The following UNC5D variants were observed in gnomAD, a reference collection of about 807,000 sequenced individuals.
UNC5D encodes netrin receptor UNC5D.
UNC5D carries 39 observed loss-of-function variants against 105.4 expected under a neutral mutation model. The ratio of observed to expected loss-of-function variants is 0.37; its 90% confidence interval spans 0.29 to 0.48. The LOEUF is 0.48. Among genes scored for constraint, UNC5D ranks in the 20% least tolerant of loss-of-function variants. The pLI, the probability that UNC5D is intolerant of heterozygous loss-of-function variation, is 0.98. For missense variants in UNC5D, 991 were observed against 1,202.4 expected, an observed-to-expected ratio of 0.82 and a Z score of 2.60; for synonymous variants, 452 against 450.4, an observed-to-expected ratio of 1.00 and a Z score of -0.04.
chr8:35,678,038 G>A (rs1039787487), intron 4 of UNC5D, among the ~76,000 whole-genome samples: 1 of 151,902 alleles, frequency 6.6e-6, no homozygotes. Flanking sequence ...CTTATCAATA[G>A]TTTTCAAACT....
At chr8:35,260,386 C>T (rs770359297) in intron 1 of UNC5D, among the ~76,000 whole-genome samples, 2 of 152,112 alleles carry the variant, frequency 1.3e-5, no homozygotes, top group Non-Finnish European at 2.9e-5. Flanking sequence ...TGCTCAATTC[C>T]GAGGTGGATG....
chr8:35,481,066 C>G (rs192595735), intron 1 of UNC5D, among the ~76,000 whole-genome samples: 2 of 152,284 alleles, frequency 1.3e-5, no homozygotes, highest in Admixed American at 1.3e-4. Context: ...GTGGCAAAAT[C>G]TTTTAGTTGA....
intron 1 of UNC5D, among the ~76,000 whole-genome samples, chr8:35,540,323 C>G (rs979864843): frequency 1.3e-5 from 2 of 151,800 alleles, no homozygotes; most frequent in Non-Finnish European, 2.9e-5. Context: ...TTCCTAAATA[C>G]ATTTATATTT....
chr8:35,556,245 A>T (rs559213281), intron 2 of UNC5D, among the ~76,000 whole-genome samples: 17 of 152,318 alleles, frequency 1.1e-4, no homozygotes, highest in African/African-American at 3.9e-4. Flanking sequence ...GGTGAATATG[A>T]TTCAAAAAAC....
At chr8:35,650,343 C>G (rs1467081041) in intron 4 of UNC5D, among the ~76,000 whole-genome samples, 2 of 152,088 alleles carry the variant, frequency 1.3e-5, no homozygotes, top group East Asian at 3.9e-4. Flanking sequence ...TCAGGAGCCT[C>G]CCTTAGCCCT....
intron 1 of UNC5D, among the ~76,000 whole-genome samples, chr8:35,391,249 C>T (rs560967654): frequency 6.6e-6 from 1 of 152,068 alleles, no homozygotes; most frequent in African/African-American, 2.4e-5. Context: ...TGTACTTTCC[C>T]AAAAAAGATT....
intron 1 of UNC5D, among the ~76,000 whole-genome samples, chr8:35,528,511 G>A (rs1420482343): frequency 7.5e-5 from 11 of 146,424 alleles, no homozygotes; most frequent in Middle Eastern, 3.6e-3. Context: ...AAACATACGT[G>A]TGCATGTGTC....
chr8:35,601,121 A>G (rs1819850184), intron 4 of UNC5D, among the ~76,000 whole-genome samples: 1 of 151,954 alleles, frequency 6.6e-6, no homozygotes, highest in African/African-American at 2.4e-5. Context: ...GATATGCGGC[A>G]TTATGTCTGA....
Position 35,726,436 on chromosome 8 carries a change from A to T in UNC5D, c.1588A>T (p.Ile530Phe). The T allele has an allele frequency of 6.2e-7, 1 of 1,614,142 alleles. No homozygotes were observed. Residue 530 changes from isoleucine to phenylalanine, a missense_variant, in exon 10 of 17, where the codon ATC becomes TTC. By Grantham distance (21) the Ile-to-Phe change is conservative (BLOSUM62 0). Around this residue, in one of 3 missense-constraint regions of UNC5D, gnomAD observed 944 missense variants for 1,131.6 expected, o/e 0.83. Transcript: ENST00000404895. ...TMHPRNKMPY[I>F]QNLSSLPTRT... ...GCATCCCAGAAATAAAATGCCCTACATCCAAAATCTGTCATCACTCCCCAC... is the reference window on the plus strand; with the variant it reads ...GCATCCCAGAAATAAAATGCCCTACTTCCAAAATCTGTCATCACTCCCCAC...
intron 1 of UNC5D, among the ~76,000 whole-genome samples, chr8:35,335,894 G>T (rs1343631317): frequency 6.6e-6 from 1 of 150,810 alleles, no homozygotes; most frequent in African/African-American, 2.4e-5. Flanking sequence ...CTCCCGAGTA[G>T]CTGGGACTAC....
intron 1 of UNC5D, among the ~76,000 whole-genome samples, chr8:35,361,944 GTTAT>G (rs2097969288): frequency 6.6e-6 from 1 of 152,042 alleles, no homozygotes; most frequent in Non-Finnish European, 1.5e-5. Flanking sequence ...TCTGAATTTG[GTTAT>G]TTGTCGGTGG....
rs72634971 is a variant in UNC5D, at chr8:35,677,430, C to T, written c.571-6117C>T. ...ACTGATTTATGTTACCTCCCTGGCC[C>T]CCAGGAACATTGGAGTTTGCAACTG... is the stretch of plus-strand genomic sequence containing the variant. On this transcript the variant is annotated intron_variant, in intron 4 of 16. Coordinates refer to ENST00000404895, the MANE Select transcript of UNC5D (RefSeq NM_080872.4). Among the ~76,000 whole-genome samples the T allele has an allele frequency of 5.1e-3, 774 of 152,196 alleles. 2 individuals are homozygous for T. The highest frequency in any genetic ancestry group is 8.8e-3 in the African/African-American group (367 of 41,526).
chr8:35,511,279 A>G (rs1289829727), intron 1 of UNC5D, among the ~76,000 whole-genome samples: 1 of 152,134 alleles, frequency 6.6e-6, no homozygotes, highest in African/African-American at 2.4e-5. Context: ...TAGGACCAGT[A>G]TATAAAATCA....
rs1408284580 is a variant in UNC5D, at chr8:35,260,718, C to T, written c.103+24831C>T. 2.0e-5 allele frequency among the ~76,000 whole-genome samples: 3 copies of T among 152,162 alleles called. No homozygotes were observed. In the East Asian group the frequency reaches 5.8e-4, roughly 29 times the overall value. On this transcript the variant is annotated intron_variant, in intron 1 of 16. Coordinates refer to ENST00000404895, the MANE Select transcript of UNC5D (RefSeq NM_080872.4). ...AGCTCAGGGAATCCACACACGTCTG[C>T]CTCGCAAAGTGCTAGTTATGCCTAT...
chr8:35,612,628 G>T (rs556892523), intron 4 of UNC5D, among the ~76,000 whole-genome samples: 6 of 150,286 alleles, frequency 4.0e-5, no homozygotes, highest in South Asian at 4.2e-4. Context: ...AGAATCAAAG[G>T]TTCTTAAAGC....
intron 2 of UNC5D, among the ~76,000 whole-genome samples, chr8:35,550,568 C>T (rs1469908313): frequency 6.6e-6 from 1 of 152,138 alleles, no homozygotes; most frequent in Admixed American, 6.5e-5. Context: ...TTCTATATAA[C>T]AAGGTAGGCC....
intron 1 of UNC5D, among the ~76,000 whole-genome samples, chr8:35,407,511 A>T (rs1403355244): frequency 7.0e-6 from 1 of 143,620 alleles, no homozygotes; most frequent in Non-Finnish European, 1.5e-5. Context: ...TTTCATTTGT[A>T]TGTATGTATG....
intron 2 of UNC5D, among the ~76,000 whole-genome samples, chr8:35,564,650 T>C (rs1003529006): frequency 3.3e-5 from 5 of 152,184 alleles, no homozygotes; most frequent in African/African-American, 1.2e-4. Flanking sequence ...GTTACACGGA[T>C]GAATTGTATA....
chr8:35,635,482 C>A (rs1456729622), intron 4 of UNC5D, among the ~76,000 whole-genome samples: 2 of 152,138 alleles, frequency 1.3e-5, no homozygotes, highest in African/African-American at 4.8e-5. Context: ...CAGTTCAGCT[C>A]TTAATAAGAA....
Sources: gnomAD v4.1 joint callset for allele counts (sites outside exome capture counted in the v4.1 genomes callset) on GRCh38, gnomAD v4.1.1 for gene constraint, gnomAD v4.1.1 regional missense constraint, MANE v1.5 for transcripts, NCBI Gene and HGNC (gene_info 2026-07-23, HGNC 2026-07-21) for gene names.